Variants in RFX1 observed in about 807,000 individuals in gnomAD.
RFX1 encodes MHC class II regulatory factor RFX1.
RFX1 carries 42 observed loss-of-function variants against 119.6 expected under a neutral mutation model. The ratio of observed to expected loss-of-function variants is 0.35; its 90% CI spans 0.27 to 0.45. The LOEUF (loss-of-function observed/expected upper bound fraction) is 0.45. RFX1 is among the 20% of genes least tolerant of loss of function. The pLI is 1.00. For synonymous variants in RFX1, 628 were observed against 618.5 expected, an observed-to-expected ratio of 1.02 and a Z score of -0.23; for missense variants, 1,118 against 1,368.1, an observed-to-expected ratio of 0.82 and a Z score of 2.88.
chr19:13,993,876 C>G lies in RFX1; in HGVS notation c.-33G>C. The G allele has an allele frequency of 5.6e-6, 7 of 1,251,414 alleles. No homozygotes were observed. The highest frequency in any genetic ancestry group is 3.2e-5 in the South Asian group (2 of 62,556). The allele number at this position is 1,251,414 out of a possible 1,614,324, so 77.5% of individuals were successfully genotyped here. On this transcript the variant is annotated 5_prime_UTR_variant, in exon 2 of 21. Transcript: ENST00000254325. ...GTGGGGAAAATGATAATAAATAAGGCTTTTTTTTTTTTTTAATTCCTTGGG... is the reference window on the plus strand; with the variant it reads ...GTGGGGAAAATGATAATAAATAAGGGTTTTTTTTTTTTTTAATTCCTTGGG...
At chr19:13,995,580 G>A (rs1258899211) in intron 1 of RFX1, among the ~76,000 whole-genome samples, 2 of 152,204 alleles carry the variant, frequency 1.3e-5, no homozygotes, top group East Asian at 3.8e-4. Context: ...GCCAAGCGCA[G>A]TGGCTCACGC....
intron 1 of RFX1, among the ~76,000 whole-genome samples, chr19:14,005,867 T>A (rs1225229446): frequency 7.0e-6 from 1 of 142,810 alleles, no homozygotes; most frequent in South Asian, 2.2e-4. Flanking sequence ...CCTGCCGACC[T>A]CCACTCGCCG....
At position 13,965,274 on chromosome 19, in the gene RFX1, C is replaced by T. The variant is rs1280049369; in HGVS notation, c.2211+175G>A. The stretch of plus-strand genomic sequence containing the variant: ...TTTCAGAAGTGGGTGCCTGAGGACA[C>T]TGGTTTATAAAGACAATGCCCAGGG... On this transcript the variant is annotated intron_variant, in intron 16 of 20. Coordinates refer to ENST00000254325, the MANE Select transcript of RFX1 (RefSeq NM_002918.5). The surrounding 1 kb of genome is among the most constrained non-coding windows in gnomAD (Gnocchi z 4.7). Among the ~76,000 whole-genome samples, 1 of 152,194 alleles carries T rather than the reference C, an allele frequency of 6.6e-6. No homozygotes were observed. The highest frequency in any genetic ancestry group is 1.5e-5 in the Non-Finnish European group (1 of 68,044).
Position 13,993,677 on chromosome 19 carries a change from G to A in RFX1, c.167C>T (p.Thr56Ile), listed in dbSNP as rs1192003856. 3 of 1,590,752 alleles carry A rather than the reference G, an allele frequency of 1.9e-6. No individual in the cohort carries two copies. Among genetic ancestry groups the A allele is most frequent in the Non-Finnish European group, 2.6e-6 (3 of 1,167,896 alleles). The change falls in exon 2 of 21, where the codon ACC becomes ATC. Residue 56 changes from threonine to isoleucine, a missense_variant. By Grantham distance (89) the Thr-to-Ile change is moderately conservative (BLOSUM62 -1). Transcript: ENST00000254325. ...AAATPQPQYVTELQSPQPQAQ... is the reference protein window; with the variant it reads ...AAATPQPQYVIELQSPQPQAQ... Reference sequence around the variant, plus strand: ...CTGGGGCTGGGGGCTCTGCAGCTCGGTGACATATTGGGGCTGAGGGGTGGC... The same window carrying A: ...CTGGGGCTGGGGGCTCTGCAGCTCGATGACATATTGGGGCTGAGGGGTGGC...
Position 13,974,586 on chromosome 19 carries a change from C to T in RFX1, c.930-1459G>A, listed in dbSNP as rs989657701. ...CAGAGAAGAGTGGGGACCGTGTGAC[C>T]GAACAATAGGGAAGAATGCGTTGCA... On this transcript the variant is annotated intron_variant, in intron 8 of 20. Coordinates refer to ENST00000254325, the MANE Select transcript of RFX1 (RefSeq NM_002918.5). Among the ~76,000 whole-genome samples, 4 of 152,080 alleles carry T rather than the reference C, an allele frequency of 2.6e-5. No homozygotes were observed. In the South Asian group the frequency reaches 8.3e-4, roughly 32 times the overall value.
chr19:13,962,617 A>G lies in RFX1; in HGVS notation c.*78T>C. On this transcript the variant is annotated 3_prime_UTR_variant, in exon 21 of 21. Transcript: ENST00000254325. ...TGCCCTGGCTGAGGCTGGAGCAGTG[A>G]CCACGAAGCCACAGAAGCTTTGAGG... The G allele has an allele frequency of 8.6e-7, 1 of 1,167,968 alleles. No individual in the cohort carries two copies. Among genetic ancestry groups the G allele is most frequent in the Middle Eastern group, 3.1e-4 (1 of 3,272 alleles). 72.4% of individuals were successfully genotyped at this position (1,167,968 alleles called of 1,614,324 possible). A position where few individuals can be genotyped will look rare whatever the true frequency, so the allele number is the denominator to read the frequency against.
chr19:13,973,950 A>T (rs952892527), intron 8 of RFX1, among the ~76,000 whole-genome samples: 33 of 119,498 alleles, frequency 2.8e-4, no homozygotes, highest in Non-Finnish European at 4.0e-4. Flanking sequence ...CTTTTTAATT[A>T]AAAAAAAAAA....
intron 2 of RFX1, among the ~76,000 whole-genome samples, chr19:13,992,176 C>A (rs1044750405): frequency 3.3e-5 from 5 of 152,132 alleles, no homozygotes. Context: ...CAGTGGCAGG[C>A]GCCTGTAGTC....
At position 13,993,727 on chromosome 19, in the gene RFX1, C is replaced by T. The variant is rs1482736844; in HGVS notation, c.117G>A (p.Gln39=). The change falls in exon 2 of 21, where the codon CAG becomes CAA. Residue 39 remains glutamine, a synonymous_variant. Transcript: ENST00000254325. ...CAGCAGCGGTGGGTGGCTGCGGGGG[C>T]TGGGGTGCCGCTGGGGGTGGTGGCG... The part of the protein sequence containing the change: ...PPPPPPPAAP[Q]PPQPPTAAAT... 4 of 1,112,672 alleles carry T rather than the reference C, an allele frequency of 3.6e-6. No individual in the cohort carries two copies. Among genetic ancestry groups the T allele is most frequent in the Non-Finnish European group, 3.5e-6 (3 of 850,990 alleles). 68.9% of individuals were successfully genotyped at this position (1,112,672 alleles called of 1,614,324 possible).
chr19:13,982,250 G>C, intron 4 of RFX1, 22 bp from the exon 5 acceptor site: 1 of 1,262,984 alleles, frequency 7.9e-7, no homozygotes, highest in Non-Finnish European at 1.0e-6. Flanking sequence ...GAGGGAGAGG[G>C]AGGGCAGATC....
At position 13,969,070 on chromosome 19, in the gene RFX1, G is replaced by C. The variant is rs185652105; in HGVS notation, c.1497-176C>G. 8.2e-4 allele frequency among the ~76,000 whole-genome samples: 125 copies of C among 152,376 alleles called. No individual in the cohort carries two copies. Among genetic ancestry groups the C allele is most frequent in the African/African-American group, 2.9e-3 (121 of 41,592 alleles). ...CACAGGGGCTGTGGGTGTCAGGAGA[G>C]ATCCAGCGGTTTGCCCAAGATTATG... On this transcript the variant is annotated intron_variant, in intron 10 of 20. Coordinates refer to ENST00000254325, the MANE Select transcript of RFX1 (RefSeq NM_002918.5). This position sits in a 1 kb window ranked among gnomAD's most constrained non-coding sequence, Gnocchi z 4.5.
At chr19:13,971,268 G>A (rs1268932364) in intron 9 of RFX1, among the ~76,000 whole-genome samples, 2 of 151,666 alleles carry the variant, frequency 1.3e-5, no homozygotes, top group African/African-American at 2.4e-5. Flanking sequence ...TGGGAGGTGG[G>A]AAGGTTACAG....
rs1292975805 is a variant in RFX1, at chr19:13,965,586, G to A, written c.2113+40C>T. On this transcript the variant is annotated intron_variant, in intron 15 of 20. Coordinates refer to ENST00000254325, the MANE Select transcript of RFX1 (RefSeq NM_002918.5). The surrounding 1 kb of genome is among the most constrained non-coding windows in gnomAD (Gnocchi z 4.7). ...GGGGGTCGGTCAGGGCAGGGCGGGTGTATGTGGGGCAGGGGATGCCGAGCA... is the reference window on the plus strand; with the variant it reads ...GGGGGTCGGTCAGGGCAGGGCGGGTATATGTGGGGCAGGGGATGCCGAGCA... The A allele has an allele frequency of 5.0e-6, 8 of 1,612,468 alleles. No individual in the cohort carries two copies. In the South Asian group the frequency reaches 7.7e-5, roughly 15 times the overall value.
chr19:13,978,018 G>A lies in RFX1; in HGVS notation c.903C>T (p.Gly301=), dbSNP rs756275197. Reference sequence around the variant, plus strand: ...TGGCACTGGCCGTGTAGCTGGCATCGCCGCCCTCCACATACTGCACCTGGC... The same window carrying A: ...TGGCACTGGCCGTGTAGCTGGCATCACCGCCCTCCACATACTGCACCTGGC... ...YSSQVQYVEG[G]DASYTASAIR... The change falls in exon 8 of 21, where the codon GGC becomes GGT. Residue 301 remains glycine, a synonymous_variant. Transcript: ENST00000254325. The A allele has an allele frequency of 9.3e-6, 15 of 1,613,184 alleles. No homozygotes were observed. The highest frequency in any genetic ancestry group is 1.1e-5 in the South Asian group (1 of 91,058).
In RFX1 at chr19:13,963,906, G is replaced by A. The variant is rs375869093; in HGVS notation, c.2313C>T (p.Ile771=). 3.2e-6 allele frequency: 5 copies of A among 1,548,714 alleles called. No individual in the cohort carries two copies. In the African/African-American group the frequency reaches 5.5e-5, roughly 17 times the overall value. The change falls in exon 17 of 21, where the codon ATC becomes ATT. Residue 771 remains isoleucine, a synonymous_variant. Coordinates refer to ENST00000254325, the MANE Select transcript of RFX1 (RefSeq NM_002918.5). ...GGTTGAGGTCGCTCAGCATCTGGTT[G>A]ATCTGTGCGGTGTTCTGCAGCACAG... ...ARAVLQNTAQ[I]NQMLSDLNRV... is the part of the protein sequence containing the mutation.
intron 4 of RFX1, 165 bp downstream of exon 4, chr19:13,983,022 G>T: frequency 1.7e-6 from 1 of 597,950 alleles, no homozygotes; most frequent in East Asian, 2.9e-5. Flanking sequence ...CTGCCGGATA[G>T]TCTCACCCTG....
At chr19:14,000,337 T>A (rs933665786) in intron 1 of RFX1, among the ~76,000 whole-genome samples, 1 of 151,978 alleles carries the variant, frequency 6.6e-6, no homozygotes, top group Non-Finnish European at 1.5e-5. Context: ...AATACAAAAA[T>A]TAGCTGGGTG....
chr19:13,982,774 C>T (rs1195957912), intron 4 of RFX1, among the ~76,000 whole-genome samples: 2 of 152,148 alleles, frequency 1.3e-5, no homozygotes, highest in Non-Finnish European at 2.9e-5. Flanking sequence ...ATTGTAAAAC[C>T]CAACAGTACT....
In RFX1 at chr19:13,962,367, G is replaced by T; in HGVS notation, c.*328C>A. On this transcript the variant is annotated 3_prime_UTR_variant, in exon 21 of 21. Coordinates refer to ENST00000254325, the MANE Select transcript of RFX1 (RefSeq NM_002918.5). The stretch of plus-strand genomic sequence containing the variant: ...GAGGGGGCCTGCCTGCCTGCCCCCT[G>T]GGGTGGTGGGAGGACGGGGCTGGGG... The T allele has an allele frequency of 2.6e-6, 1 of 387,522 alleles. No individual in the cohort carries two copies. The allele number at this position is 387,522 out of a possible 1,614,324, so 24.0% of individuals were successfully genotyped here. A position where few individuals can be genotyped will look rare whatever the true frequency, so the allele number is the denominator to read the frequency against.
Sources: gnomAD v4.1 joint callset for allele counts (sites outside exome capture counted in the v4.1 genomes callset) on GRCh38, gnomAD v4.1.1 for gene constraint, Gnocchi (gnomAD v3.1) non-coding constraint, MANE v1.5 for transcripts, NCBI Gene and HGNC (gene_info 2026-07-23, HGNC 2026-07-21) for gene names.